The following ZNF208 variants were observed in gnomAD, a reference collection of about 807,000 sequenced individuals.
ZNF208 encodes the protein zinc finger protein 95.
Under a neutral mutation model 12.1 loss-of-function variants are expected in ZNF208, and 10 were observed. The ratio of observed to expected loss-of-function variants is 0.83; its 90% CI spans 0.51 to 1.40. The LOEUF (loss-of-function observed/expected upper bound fraction) is 1.40. Ranked by LOEUF, ZNF208 falls within the 40% of genes most tolerant of loss-of-function variation. ZNF208 has a pLI of 0.00. For missense variants in ZNF208, 1,652 were observed against 1,485.0 expected (o/e 1.11, Z -1.85); for synonymous variants, 497 against 488.4 (o/e 1.02, Z -0.23).
Position 21,972,693 on chromosome 19 carries a change from C to G in ZNF208, c.2341G>C (p.Glu781Gln), listed in dbSNP as rs199650849. 5.5e-4 allele frequency: 871 copies of G among 1,591,100 alleles called. 3 individuals are homozygous for G. The highest frequency in any genetic ancestry group is 1.4e-3 in the South Asian group (125 of 88,962). The part of the protein sequence containing the change: ...HTVEKPYKCE[E>Q]CGKAFNRSAI... ...GATCGGTTAAAAGCTTTGCCACATT[C>G]TTCACATTTGTAGGGTTTCTCTACA... The change falls in exon 4 of 4, where the codon GAA becomes CAA. Residue 781 changes from glutamate to glutamine, a missense_variant. Physicochemically the swap from Glu to Gln is conservative, Grantham distance 29. Around this residue, in one of 3 missense-constraint regions of ZNF208, gnomAD observed 1,239 missense variants for 1,086.2 expected, o/e 1.14. Transcript: ENST00000397126.
Position 21,972,766 on chromosome 19 carries a change from T to C in ZNF208, c.2268A>G (p.Lys756=), listed in dbSNP as rs377119241. 6.5e-5 allele frequency: 104 copies of C among 1,611,700 alleles called. No homozygotes were observed. The highest frequency in any genetic ancestry group is 8.4e-5 in the Non-Finnish European group (99 of 1,179,846). ...EKPYKCEECG[K]AYKWSSTLSY... is the part of the protein sequence containing the mutation. ...TAAGGGTTGAGGACCACTTATAGGC[T>C]TTGCCACATTCTTCACATTTGTAGG... Residue 756 remains lysine, a synonymous_variant, in exon 4 of 4, where the codon AAA becomes AAG. Transcript: ENST00000397126.
intron 3 of ZNF208, among the ~76,000 whole-genome samples, chr19:21,984,693 A>G (rs1970604467): frequency 6.6e-6 from 1 of 152,236 alleles, no homozygotes; most frequent in South Asian, 2.1e-4. Flanking sequence ...ATTTAATGAA[A>G]TGTTTTTCAA....
At chr19:21,965,299 A>T (rs10417673), downstream of ZNF208, among the ~76,000 whole-genome samples, 85,756 of 151,810 alleles carry the variant, frequency 0.56, 24,462 homozygotes, top group East Asian at 0.68. Context: ...TTCTAGATGA[A>T]ATAACAATTA....
chr19:21,953,848 G>C (rs549937294), intron 4 of ZNF208, among the ~76,000 whole-genome samples: 3 of 152,188 alleles, frequency 2.0e-5, no homozygotes, highest in Admixed American at 6.5e-5. Context: ...TTTCTGCTCT[G>C]ATCTTAGTTA....
chr19:21,997,223 T>C (rs1193925049), intron 1 of ZNF208, among the ~76,000 whole-genome samples: 1 of 152,228 alleles, frequency 6.6e-6, no homozygotes, highest in Admixed American at 6.5e-5. Flanking sequence ...GACCATAATT[T>C]GTCTACAAGT....
At chr19:21,947,381 G>A (rs952464838) in intron 4 of ZNF208, among the ~76,000 whole-genome samples, 5 of 152,158 alleles carry the variant, frequency 3.3e-5, no homozygotes, top group African/African-American at 1.2e-4. Flanking sequence ...TATAGGAACA[G>A]CCTATCAAAA....
rs1258042386 is a variant in ZNF208 at position 21,986,779 on chromosome 19, GA to G, written c.226+436del. ...AAGACTACAGTAATAAAAACAGGAT[GA>G]AATGTACAGAAAAATGAACAAAAAA... On this transcript the variant is annotated intron_variant, in intron 3 of 3. Transcript: ENST00000397126. 1.1e-5 allele frequency: 4 copies of G among 353,676 alleles called. No homozygotes were observed. In the East Asian group the frequency reaches 1.2e-4, roughly 11 times the overall value. The allele number at this position is 353,676 out of a possible 1,614,324, so 21.9% of individuals were successfully genotyped here.
rs1970189687 is a variant in ZNF208, at chr19:21,967,300, G to C, written c.*3891C>G. ...TTCCCAGTATTACTTACTAAATAGG[G>C]AGTTAATTCCCCTTTTGTTTATTTC... On this transcript the variant is annotated 3_prime_UTR_variant, in exon 4 of 4. Coordinates refer to ENST00000397126, the MANE Select transcript of ZNF208 (RefSeq NM_007153.3). The C allele has an allele frequency of 6.6e-6, 1 of 151,946 alleles. No homozygotes were observed. Among genetic ancestry groups the C allele is most frequent in the Non-Finnish European group, 1.5e-5 (1 of 68,002 alleles). 9.4% of individuals were successfully genotyped at this position (151,946 alleles called of 1,614,324 possible). A position where few individuals can be genotyped will look rare whatever the true frequency, so the allele number is the denominator to read the frequency against.
intron 1 of ZNF208, among the ~76,000 whole-genome samples, chr19:21,995,907 A>G (rs1354854977): frequency 6.6e-6 from 1 of 152,220 alleles, no homozygotes; most frequent in Admixed American, 6.5e-5. Context: ...GTCTATGTTG[A>G]TATCTCACAA....
chr19:22,003,551 CAT>C (rs1970992984), intron 1 of ZNF208, among the ~76,000 whole-genome samples: 2 of 149,916 alleles, frequency 1.3e-5, no homozygotes, highest in African/African-American at 2.4e-5. Context: ...AGGAGACAAA[CAT>C]GTGGCTAACA....
chr19:21,940,200 G>A (rs1969712626), intron 4 of ZNF208: 1 of 152,128 alleles, frequency 6.6e-6, no homozygotes, highest in Non-Finnish European at 1.5e-5. Flanking sequence ...AAGCTAGCAA[G>A]AAGTATGGCA....
At chr19:21,954,265 A>G (rs181993596) in intron 4 of ZNF208, among the ~76,000 whole-genome samples, 1 of 152,266 alleles carries the variant, frequency 6.6e-6, no homozygotes, top group East Asian at 1.9e-4. Context: ...TATGTGGTCA[A>G]TTTTGGAAGA....
chr19:21,993,466 A>G (rs1203391091), intron 1 of ZNF208, among the ~76,000 whole-genome samples: 1 of 151,880 alleles, frequency 6.6e-6, no homozygotes, highest in East Asian at 1.9e-4. Context: ...CACAAGTAAA[A>G]AGAGTTCTGC....
intron 4 of ZNF208, among the ~76,000 whole-genome samples, chr19:21,950,740 C>T (rs917212087): frequency 1.7e-4 from 26 of 152,170 alleles, no homozygotes; most frequent in African/African-American, 5.8e-4. Context: ...GGTGATCCAC[C>T]CGCCTCAGCC....
At position 21,951,730 on chromosome 19, in the gene ZNF208, TGAA is replaced by T. The variant is rs553506269; in HGVS notation, c.306-18496_306-18494del. On this transcript the variant is annotated intron_variant, in intron 4 of 4. Transcript: ENST00000599916. ...TCTGGTCTGCAGCTCCAAATGTGAT[TGAA>T]GAAGATGATGGGTGATTTCTGCATT... Among the ~76,000 whole-genome samples, 38 of 152,302 alleles carry T rather than the reference TGAA, an allele frequency of 2.5e-4. No individual in the cohort carries two copies. The South Asian group carries it at 7.7e-3, about 31-fold the overall frequency.
intron 3 of ZNF208, among the ~76,000 whole-genome samples, chr19:21,981,127 G>A (rs185371745): frequency 6.6e-6 from 1 of 152,010 alleles, no homozygotes; most frequent in Admixed American, 6.5e-5. Flanking sequence ...TTGTACCAGA[G>A]GTACAAAGAA....
chr19:21,957,592 A>G (rs932224456), intron 4 of ZNF208, among the ~76,000 whole-genome samples: 5 of 152,186 alleles, frequency 3.3e-5, no homozygotes, highest in African/African-American at 1.2e-4. Context: ...TCAAAAATAC[A>G]GGAGTTTAAC....
In ZNF208 at chr19:21,973,280, T is replaced by C. The variant is rs1366386074; in HGVS notation, c.1754A>G (p.Glu585Gly). 7 of 1,611,248 alleles carry C rather than the reference T, an allele frequency of 4.3e-6. No homozygotes were observed. The Admixed American group carries it at 1.2e-4, about 27-fold the overall frequency. ...AGATTGGTTAAAAGCTTTGCCACAT[T>C]CTTCACATTTGTAGGGTTTCTCTAC... ...HTVEKPYKCE[E>G]CGKAFNQSAI... is the part of the protein sequence containing the mutation. Residue 585 changes from glutamate to glycine, a missense_variant, in exon 4 of 4, where the codon GAA becomes GGA. This residue lies in a region of ZNF208 where 1,239 missense variants were observed against 1,086.2 expected (regional missense o/e 1.14). Coordinates refer to ENST00000397126, the MANE Select transcript of ZNF208 (RefSeq NM_007153.3).
intron 1 of ZNF208, among the ~76,000 whole-genome samples, chr19:21,993,885 T>G (rs1599628831): frequency 1.3e-5 from 2 of 152,320 alleles, no homozygotes; most frequent in South Asian, 2.1e-4. Flanking sequence ...GAAAACAACA[T>G]GTGCACATGT....
Sources: allele counts gnomAD v4.1 joint callset (sites outside exome capture counted in the v4.1 genomes callset), GRCh38; gene constraint gnomAD v4.1.1; regional missense constraint gnomAD v4.1.1; transcripts MANE v1.5; gene names NCBI Gene and HGNC (gene_info 2026-07-23, HGNC 2026-07-21).